The following CDH7 variants were observed in gnomAD, a reference collection of about 807,000 sequenced individuals.
CDH7 encodes the protein cadherin-7.
Under a neutral mutation model 71.8 loss-of-function variants are expected in CDH7, and 25 were observed. The observed-to-expected ratio is 0.35, with a 90% CI of 0.25 to 0.49. CDH7 has a LOEUF of 0.49. Ranked by LOEUF, CDH7 falls within the 20% of genes least tolerant of loss-of-function variation. The pLI is 0.99. For missense variants in CDH7, 862 were observed against 974.6 expected (o/e 0.88, Z 1.54); for synonymous variants, 381 against 363.8 (o/e 1.05, Z -0.54).
At chr18:65,864,664 G>A (rs1254707553) in intron 11 of CDH7, among the ~76,000 whole-genome samples, 19 of 151,768 alleles carry the variant, frequency 1.3e-4, no homozygotes, top group African/African-American at 2.2e-4. Context: ...TGAGGCGGGC[G>A]GATCATGAGG....
At chr18:65,814,379 G>A in intron 3 of CDH7, 106 bp from the exon 4 acceptor site, 1 of 1,298,820 alleles carries the variant, frequency 7.7e-7, no homozygotes, top group Non-Finnish European at 1.1e-6. Context: ...AAAGATAAAT[G>A]AAAATTTTCA....
intron 7 of CDH7, among the ~76,000 whole-genome samples, chr18:65,849,901 C>T (rs764296265): frequency 6.6e-6 from 1 of 151,790 alleles, no homozygotes; most frequent in Non-Finnish European, 1.5e-5. Context: ...CGGTGGCTCA[C>T]GTCTGTAATC....
At chr18:65,765,675 C>G (rs1916338250) in intron 2 of CDH7, among the ~76,000 whole-genome samples, 1 of 152,004 alleles carries the variant, frequency 6.6e-6, no homozygotes, top group Non-Finnish European at 1.5e-5. Context: ...CTAACACAAT[C>G]TAGCTATTTG....
intron 2 of CDH7, among the ~76,000 whole-genome samples, chr18:65,765,368 T>A (rs990365830): frequency 1.3e-5 from 2 of 151,978 alleles, no homozygotes; most frequent in Admixed American, 6.6e-5. Flanking sequence ...TTATTAATAA[T>A]TTGGTGGTCT....
chr18:65,776,796 G>A (rs1001586497), intron 2 of CDH7, among the ~76,000 whole-genome samples: 1 of 152,158 alleles, frequency 6.6e-6, no homozygotes, highest in Non-Finnish European at 1.5e-5. Context: ...AGTTCCACAA[G>A]TGGTAGCATT....
At position 65,858,930 on chromosome 18, in the gene CDH7, C is replaced by G; in HGVS notation, c.1378C>G (p.Pro460Ala). The change falls in exon 9 of 12, where the codon CCA becomes GCA. Residue 460 changes from proline to alanine, a missense_variant. Transcript: ENST00000397968. ...ITVLAMESQNPSQVGRGYVAI... is the reference protein window; with the variant it reads ...ITVLAMESQNASQVGRGYVAI... ...GACACTGTCTTATTTATTAGAGAAT[C>G]CATCTCAAGTAGGAAGAGGCTATGT... is the stretch of plus-strand genomic sequence containing the variant. 1 of 1,611,298 alleles carries G rather than the reference C, an allele frequency of 6.2e-7. No individual in the cohort carries two copies.
rs183670300 is a variant in CDH7, at chr18:65,855,018, C to T, written c.1236-2798C>T. Among the ~76,000 whole-genome samples the T allele has an allele frequency of 2.3e-4, 35 of 151,946 alleles. No individual in the cohort carries two copies. The East Asian group carries it at 4.7e-3, about 20-fold the overall frequency. On this transcript the variant is annotated intron_variant, in intron 7 of 11. Coordinates refer to ENST00000397968, the MANE Select transcript of CDH7 (RefSeq NM_004361.5). ...TAAGCATATTCCACCCTGTATCTCA[C>T]GGTAAATGCAGCTATGAAACCTGGA...
chr18:65,772,948 T>C (rs1463334689), intron 2 of CDH7, among the ~76,000 whole-genome samples: 1 of 152,166 alleles, frequency 6.6e-6, no homozygotes, highest in Non-Finnish European at 1.5e-5. Flanking sequence ...TCTTATAATA[T>C]ATGTATATTT....
chr18:65,824,674 T>C lies in CDH7; in HGVS notation c.824T>C (p.Leu275Ser). ...RSYQYNVPESLPVASVVARIK... is the reference protein window; with the variant it reads ...RSYQYNVPESSPVASVVARIK... ...TATCAATATAACGTCCCAGAGTCATTACCTGTAGCCTCAGTTGTGGCCAGA... is the reference window on the plus strand; with the variant it reads ...TATCAATATAACGTCCCAGAGTCATCACCTGTAGCCTCAGTTGTGGCCAGA... Residue 275 changes from leucine (L) to serine (S), a missense_variant, in exon 6 of 12, where the codon TTA becomes TCA. Coordinates refer to ENST00000397968, the MANE Select transcript of CDH7 (RefSeq NM_004361.5). 6.2e-7 allele frequency: 1 copy of C among 1,606,510 alleles called. No individual in the cohort carries two copies. Among genetic ancestry groups the C allele is most frequent in the Non-Finnish European group, 8.5e-7 (1 of 1,175,416 alleles).
chr18:65,782,174 C>CTTTTCTTTTCTTTTCT (rs1396720194), intron 2 of CDH7, among the ~76,000 whole-genome samples: 4 of 108,222 alleles, frequency 3.7e-5, no homozygotes, highest in African/African-American at 1.8e-4. Context: ...TCCTTTCTTT[C>CTTTTCTTTTCTTTTCT]TTTCTTTCTT....
intron 11 of CDH7, among the ~76,000 whole-genome samples, chr18:65,865,020 A>T (rs1913710040): frequency 6.6e-6 from 1 of 152,074 alleles, no homozygotes; most frequent in South Asian, 2.1e-4. Flanking sequence ...TGGTCAGTGT[A>T]TCATAAACAA....
chr18:65,803,986 T>C (rs1466315608), intron 2 of CDH7, among the ~76,000 whole-genome samples: 3 of 152,134 alleles, frequency 2.0e-5, no homozygotes, highest in Non-Finnish European at 4.4e-5. Context: ...ACGTTCATTT[T>C]AAGGAAAACT....
chr18:65,757,901 T>G (rs1281926743), intron 1 of CDH7, among the ~76,000 whole-genome samples: 2 of 152,154 alleles, frequency 1.3e-5, no homozygotes, highest in African/African-American at 4.8e-5. Flanking sequence ...AATCTTGTTT[T>G]TAACTCCTGT....
chr18:65,820,940 A>C (rs1399700497), intron 4 of CDH7, among the ~76,000 whole-genome samples: 1 of 152,152 alleles, frequency 6.6e-6, no homozygotes, highest in Non-Finnish European at 1.5e-5. Flanking sequence ...GAAAAATGAG[A>C]GATGAGTCAA....
At chr18:65,865,989 A>T (rs1220876970) in intron 11 of CDH7, 1 of 152,098 alleles carries the variant, frequency 6.6e-6, no homozygotes, top group Non-Finnish European at 1.5e-5. Context: ...AGAACTTGAA[A>T]ATCAAGTTCA....
intron 11 of CDH7, among the ~76,000 whole-genome samples, chr18:65,878,821 T>A (rs1312035914): frequency 2.0e-5 from 3 of 152,084 alleles, no homozygotes; most frequent in African/African-American, 7.2e-5. Flanking sequence ...CATGAGAAGG[T>A]GGCCAGAAAA....
chr18:65,859,760 A>G lies in CDH7; in HGVS notation c.1547A>G (p.Gln516Arg), dbSNP rs1913494552. 6.2e-7 allele frequency: 1 copy of G among 1,612,476 alleles called. No individual in the cohort carries two copies. Among genetic ancestry groups the G allele is most frequent in the Non-Finnish European group, 8.5e-7 (1 of 1,178,572 alleles). The change falls in exon 10 of 12, where the codon CAG becomes CGG. Residue 516 changes from glutamine to arginine, a missense_variant. Coordinates refer to ENST00000397968, the MANE Select transcript of CDH7 (RefSeq NM_004361.5). ...VDKDEPSNGH[Q>R]FYFSLTTDAT... ...AAAGATGAGCCATCCAATGGACACC[A>G]GTTTTACTTCAGCTTAACAACGGAT... is the stretch of plus-strand genomic sequence containing the variant.
At chr18:65,793,504 A>G (rs1910791610) in intron 2 of CDH7, among the ~76,000 whole-genome samples, 1 of 152,144 alleles carries the variant, frequency 6.6e-6, no homozygotes, top group Admixed American at 6.5e-5. Context: ...CAAAACAGAA[A>G]TATTTCTCTC....
intron 2 of CDH7, among the ~76,000 whole-genome samples, chr18:65,786,558 T>C (rs1352132894): frequency 2.0e-5 from 3 of 152,180 alleles, no homozygotes; most frequent in African/African-American, 7.2e-5. Context: ...TAATATAATG[T>C]CTGTGATGGG....
Sources: gnomAD v4.1 joint callset for allele counts (sites outside exome capture counted in the v4.1 genomes callset) on GRCh38, gnomAD v4.1.1 for gene constraint, MANE v1.5 for transcripts, NCBI Gene and HGNC (gene_info 2026-07-23, HGNC 2026-07-21) for gene names.